Variants in CTDSP2 observed in about 807,000 individuals in gnomAD.
The protein encoded by CTDSP2 is carboxy-terminal domain RNA polymerase II polypeptide A small phosphatase 2.
Under a neutral mutation model 31.6 loss-of-function variants are expected in CTDSP2, and 9 were observed. The ratio of observed to expected loss-of-function variants is 0.28; its 90% confidence interval spans 0.17 to 0.50. The LOEUF is 0.50. CTDSP2 is among the 20% of genes least tolerant of loss of function. The pLI is 0.98. For missense variants in CTDSP2, 267 were observed against 348.5 expected, an observed-to-expected ratio of 0.77 and a Z score of 1.86; for synonymous variants, 134 against 134.5, an observed-to-expected ratio of 1.00 and a Z score of 0.03.
intron 5 of CTDSP2, among the ~76,000 whole-genome samples, chr12:57,825,799 A>C (rs1956179180): frequency 6.6e-6 from 1 of 152,188 alleles, no homozygotes; most frequent in African/African-American, 2.4e-5. Flanking sequence ...CAGTCAGAGA[A>C]GGCTTCACAG....
chr12:57,829,377 G>T, intron 2 of CTDSP2, 71 bp downstream of exon 2: 3 of 1,541,422 alleles, frequency 1.9e-6, no homozygotes, highest in Non-Finnish European at 2.7e-6. Context: ...TTGTCCGGTT[G>T]CCATCGTCTG....
chr12:57,839,253 G>A (rs1592242528), intron 1 of CTDSP2, among the ~76,000 whole-genome samples: 1 of 152,176 alleles, frequency 6.6e-6, no homozygotes, highest in Non-Finnish European at 1.5e-5. Flanking sequence ...AGGAAACCCA[G>A]CTCTTGCTCC....
rs770605904 is a variant in CTDSP2 at position 57,846,400 on chromosome 12, C to T, written c.36G>A (p.Arg12=). 14 of 1,608,620 alleles carry T rather than the reference C, an allele frequency of 8.7e-6. No homozygotes were observed. In the East Asian group the frequency reaches 2.9e-4, roughly 33 times the overall value. Residue 12 remains arginine, a synonymous_variant, in exon 1 of 8, where the codon AGG becomes AGA. Transcript: ENST00000398073. ...GCTTGGTGAGCACCAGGGCGTCTTC[C>T]CTCCGCGCCTGGGTGATGATGGAGC... The part of the protein sequence containing the change: ...EHGSIITQAR[R]EDALVLTKQG...
At position 57,829,435 on chromosome 12, in the gene CTDSP2, C is replaced by T. The variant is rs527790735; in HGVS notation, c.213+13G>A. ...CCTTCATTGCTGGCATCTTACCACC[C>T]CAACCCACCTACCTTAGCAATGGTG... On this transcript the variant is annotated intron_variant, in intron 2 of 7. Coordinates refer to ENST00000398073, the MANE Select transcript of CTDSP2 (RefSeq NM_005730.4). 6.2e-7 allele frequency: 1 copy of T among 1,611,456 alleles called. No individual in the cohort carries two copies. Among genetic ancestry groups the T allele is most frequent in the South Asian group, 1.1e-5 (1 of 91,020 alleles).
chr12:57,839,210 G>A lies in CTDSP2; in HGVS notation c.64+7162C>T, dbSNP rs111275599. ...CTATGACCAGCCAAGCCGTATAGGTGAGTCCACTTGAGAAAGTACTGATCT... is the reference window on the plus strand; with the variant it reads ...CTATGACCAGCCAAGCCGTATAGGTAAGTCCACTTGAGAAAGTACTGATCT... On this transcript the variant is annotated intron_variant, in intron 1 of 7. Transcript: ENST00000398073. Among the ~76,000 whole-genome samples, 261 of 152,308 alleles carry A rather than the reference G, an allele frequency of 1.7e-3. 3 individuals carry two copies. Among genetic ancestry groups the A allele is most frequent in the African/African-American group, 5.9e-3 (247 of 41,570 alleles).
At chr12:57,837,956 A>G (rs1956258177) in intron 1 of CTDSP2, among the ~76,000 whole-genome samples, 1 of 152,124 alleles carries the variant, frequency 6.6e-6, no homozygotes, top group Non-Finnish European at 1.5e-5. Flanking sequence ...CTGCCCCTTC[A>G]GCAATCTGTT....
At chr12:57,824,608 C>A (rs372337532) in intron 5 of CTDSP2, 4 of 602,214 alleles carry the variant, frequency 6.6e-6, no homozygotes, top group Non-Finnish European at 1.3e-5. Context: ...GGCGGACCAT[C>A]AGCTGCCTCC....
intron 1 of CTDSP2, chr12:57,842,537 T>A (rs1278267533): frequency 6.6e-6 from 1 of 152,228 alleles, no homozygotes; most frequent in African/African-American, 2.4e-5. Flanking sequence ...ATGTTAGGCA[T>A]TTACAAACTT....
rs542332456 is a variant in CTDSP2, at chr12:57,829,730, A to C, written c.65-134T>G. ...CAGTATACGGCTGGTGAACAACCAC[A>C]TACAGTTAACAGTCAAACATACATG... On this transcript the variant is annotated intron_variant, in intron 1 of 7. Transcript: ENST00000398073. 3 of 669,940 alleles carry C rather than the reference A, an allele frequency of 4.5e-6. No homozygotes were observed. The East Asian group carries it at 7.9e-5, about 18-fold the overall frequency. The allele number at this position is 669,940 out of a possible 1,614,324, so 41.5% of individuals were successfully genotyped here. A position where few individuals can be genotyped will look rare whatever the true frequency, so the allele number is the denominator to read the frequency against.
chr12:57,845,918 G>A (rs1345978584), intron 1 of CTDSP2, among the ~76,000 whole-genome samples: 1 of 152,194 alleles, frequency 6.6e-6, no homozygotes, highest in East Asian at 1.9e-4. Context: ...CGGGCTTGGG[G>A]GGGCCTGCAA....
At chr12:57,835,800 G>A (rs1956244199) in intron 1 of CTDSP2, among the ~76,000 whole-genome samples, 1 of 152,198 alleles carries the variant, frequency 6.6e-6, no homozygotes, top group Non-Finnish European at 1.5e-5. Context: ...GAGGAGAAGA[G>A]GGGATGTGAG....
chr12:57,827,147 G>T, intron 3 of CTDSP2, 50 bp from the exon 4 acceptor site: 1 of 1,316,984 alleles, frequency 7.6e-7, no homozygotes, highest in Non-Finnish European at 1.1e-6. Context: ...AAGCCCAATT[G>T]TACCCCTTGG....
In CTDSP2 at chr12:57,821,937, C is replaced by T. The variant is rs1008056586; in HGVS notation, c.*1665G>A. The T allele has an allele frequency of 6.6e-6, 1 of 152,228 alleles. No homozygotes were observed. Among genetic ancestry groups the T allele is most frequent in the African/African-American group, 2.4e-5 (1 of 41,436 alleles). 9.4% of individuals were successfully genotyped at this position (152,228 alleles called of 1,614,324 possible). On this transcript the variant is annotated 3_prime_UTR_variant, in exon 8 of 8. Coordinates refer to ENST00000398073, the MANE Select transcript of CTDSP2 (RefSeq NM_005730.4). ...CTGCTGCTCTACTACCTGCTTTTCT[C>T]AAAACTTGTTAGTTCCTGAGGCTGG...
chr12:57,827,154 T>G, intron 3 of CTDSP2, 57 bp from the exon 4 acceptor site: 1 of 1,259,586 alleles, frequency 7.9e-7, no homozygotes, highest in African/African-American at 1.5e-5. Context: ...ATTGTACCCC[T>G]TGGCATAATT....
At chr12:57,827,640 C>G (rs1453200229) in intron 2 of CTDSP2, 50 bp from the exon 3 acceptor site, 1 of 1,566,258 alleles carries the variant, frequency 6.4e-7, no homozygotes, top group Non-Finnish European at 8.8e-7. Flanking sequence ...CTTTCCCACC[C>G]CATCCAAACC....
intron 5 of CTDSP2, chr12:57,824,820 G>A (rs1387376000): frequency 2.6e-5 from 10 of 378,674 alleles, no homozygotes; most frequent in South Asian, 7.5e-5. Flanking sequence ...ACACCCTGCC[G>A]AGTCTTGCTC....
intron 1 of CTDSP2, chr12:57,836,997 AG>A (rs1956252070): frequency 6.6e-6 from 1 of 152,084 alleles, no homozygotes; most frequent in South Asian, 2.1e-4. Flanking sequence ...GGCCCCTCTG[AG>A]GGGCCTCCTT....
intron 1 of CTDSP2, among the ~76,000 whole-genome samples, chr12:57,832,408 T>G (rs11172355): frequency 6.6e-6 from 1 of 152,308 alleles, no homozygotes; most frequent in East Asian, 1.9e-4. Flanking sequence ...CAGGATAAGC[T>G]GAGCACGGTG....
At chr12:57,845,295 T>C (rs1317148886) in intron 1 of CTDSP2, 1 of 152,230 alleles carries the variant, frequency 6.6e-6, no homozygotes, top group Non-Finnish European at 1.5e-5. Context: ...TCTGCCGCTA[T>C]TTTGGACACA....
Sources: allele counts gnomAD v4.1 joint callset (sites outside exome capture counted in the v4.1 genomes callset), GRCh38; gene constraint gnomAD v4.1.1; transcripts MANE v1.5; gene names NCBI Gene and HGNC (gene_info 2026-07-23, HGNC 2026-07-21).